Variants in NDE1 observed in about 807,000 individuals in gnomAD.
NDE1 encodes the protein nudE neurodevelopment protein 1.
A neutral mutation model predicts 43.4 loss-of-function variants in NDE1; 28 were observed. The observed-to-expected ratio is 0.65, with a 90% confidence interval of 0.48 to 0.89. The LOEUF (loss-of-function observed/expected upper bound fraction) is 0.89, where lower values mean the gene tolerates loss of function less well. NDE1 is among the 40% of genes least tolerant of loss of function. The pLI, the probability that NDE1 is intolerant of heterozygous loss-of-function variation, is 0.00. For missense variants in NDE1, 441 were observed against 434.1 expected, an observed-to-expected ratio of 1.02 and a Z score of -0.14; for synonymous variants, 184 against 172.0, an observed-to-expected ratio of 1.07 and a Z score of -0.55.
intron 8 of NDE1, chr16:15,718,728 G>A: frequency 3.8e-6 from 2 of 521,512 alleles, no homozygotes; most frequent in South Asian, 4.4e-5. Flanking sequence ...GGGAATGAAT[G>A]AAAGCAGCCA....
At position 15,717,374 on chromosome 16, in the gene NDE1, G is replaced by A. The variant is rs769187310; in HGVS notation, c.948-6817G>A. ...CTGGGGAGGAGAGTGAAGGCCATGA[G>A]GCGGACTCAGGGAAGCCCAAGAGAG... On this transcript the variant is annotated intron_variant, in intron 8 of 8. Transcript: ENST00000396354. 3.7e-6 allele frequency: 6 copies of A among 1,601,400 alleles called. No homozygotes were observed. In the African/African-American group the frequency reaches 4.0e-5, roughly 11 times the overall value.
intron 5 of NDE1, among the ~76,000 whole-genome samples, chr16:15,689,871 C>T (rs1324063728): frequency 1.6e-5 from 1 of 62,100 alleles, no homozygotes; most frequent in Non-Finnish European, 2.7e-5. Flanking sequence ...ACCCGGGAGG[C>T]AGATTTACAG....
chr16:15,720,393 C>T, intron 8 of NDE1: 2 of 1,528,680 alleles, frequency 1.3e-6, no homozygotes, highest in Non-Finnish European at 1.8e-6. Flanking sequence ...CATCACTGCA[C>T]CCCTTCCCCA....
chr16:15,711,786 A>G (rs186005664), intron 8 of NDE1, among the ~76,000 whole-genome samples: 1 of 152,058 alleles, frequency 6.6e-6, no homozygotes, highest in South Asian at 2.1e-4. Flanking sequence ...TGTGTCTCCC[A>G]GGTTCAAGCG....
At chr16:15,667,776 C>T (rs894184709) in intron 3 of NDE1, among the ~76,000 whole-genome samples, 7 of 151,368 alleles carry the variant, frequency 4.6e-5, no homozygotes, top group South Asian at 2.1e-4. Flanking sequence ...GGATTATAGG[C>T]GCCTGCTACC....
intron 3 of NDE1, among the ~76,000 whole-genome samples, chr16:15,673,367 CTATTTTTTG>C (rs2037700635): frequency 6.6e-6 from 1 of 151,896 alleles, no homozygotes; most frequent in South Asian, 2.1e-4. Context: ...CCACACCCAG[CTATTTTTTG>C]TATTTTTGGT....
At chr16:15,719,390 C>A in intron 8 of NDE1, 1 of 1,515,398 alleles carries the variant, frequency 6.6e-7, no homozygotes. Context: ...CTCAGCCACC[C>A]TTGAAAGTAC....
chr16:15,679,089 A>G (rs2038039564), intron 4 of NDE1, among the ~76,000 whole-genome samples: 1 of 152,082 alleles, frequency 6.6e-6, no homozygotes, highest in Non-Finnish European at 1.5e-5. Context: ...AAACAAAACA[A>G]AACAAAAAAC....
intron 8 of NDE1, among the ~76,000 whole-genome samples, chr16:15,710,897 C>T (rs1001717143): frequency 2.6e-5 from 4 of 152,084 alleles, no homozygotes; most frequent in Non-Finnish European, 4.4e-5. Context: ...AGGCTGGTCT[C>T]GAACTCCTGA....
At chr16:15,708,895 C>T (rs762524645) in intron 8 of NDE1, 116 of 1,518,482 alleles carry the variant, frequency 7.6e-5, no homozygotes, top group Middle Eastern at 1.7e-4. Context: ...AGAAGGAGCC[C>T]GGTTAAGTAT....
chr16:15,686,887 C>T, intron 4 of NDE1: 1 of 718,586 alleles, frequency 1.4e-6, no homozygotes, highest in Non-Finnish European at 1.7e-6. Context: ...CAGGATTTTG[C>T]CATTTGCCCA....
Position 15,714,568 on chromosome 16 carries a change from C to T in NDE1, c.948-9623C>T, listed in dbSNP as rs2040008963. ...GAAGTGGCGGGGGGTGGTGTTGCAG[C>T]TTCAATGGATGTCGTGAAGACTCAG... On this transcript the variant is annotated intron_variant, in intron 8 of 8. Coordinates refer to ENST00000396354, the MANE Select transcript of NDE1 (RefSeq NM_017668.3). The T allele has an allele frequency of 1.8e-5, 8 of 441,528 alleles. 1 individual carries two copies. In the South Asian group the frequency reaches 2.0e-4, roughly 11 times the overall value. The allele number at this position is 441,528 out of a possible 1,614,324, so 27.4% of individuals were successfully genotyped here. A position where few individuals can be genotyped will look rare whatever the true frequency, so the allele number is the denominator to read the frequency against.
In NDE1 at chr16:15,715,408, T is replaced by C. The variant is rs2040072128; in HGVS notation, c.948-8783T>C. On this transcript the variant is annotated intron_variant, in intron 8 of 8. Transcript: ENST00000396354. ...CTCCTCTCAAGAATCAGTCAGATGGTGGAATAGTATTCAGCCATGAAAAGG... is the reference window on the plus strand; with the variant it reads ...CTCCTCTCAAGAATCAGTCAGATGGCGGAATAGTATTCAGCCATGAAAAGG... 9 of 773,606 alleles carry C rather than the reference T, an allele frequency of 1.2e-5. No homozygotes were observed. The Admixed American group carries it at 1.4e-4, about 12-fold the overall frequency. 47.9% of individuals were successfully genotyped at this position (773,606 alleles called of 1,614,324 possible). A position where few individuals can be genotyped will look rare whatever the true frequency, so the allele number is the denominator to read the frequency against.
intron 8 of NDE1, chr16:15,718,116 TGGAGA>T: frequency 1.3e-6 from 1 of 791,608 alleles, no homozygotes; most frequent in Non-Finnish European, 2.0e-6. Flanking sequence ...CACTGCAGCG[TGGAGA>T]GGAGTATTCT....
intron 8 of NDE1, among the ~76,000 whole-genome samples, chr16:15,709,224 A>G (rs2039642448): frequency 6.6e-6 from 1 of 152,164 alleles, no homozygotes; most frequent in African/African-American, 2.4e-5. Context: ...TTGGGATTAC[A>G]GGCATGAACC....
At chr16:15,690,147 CG>C (rs2038659794) in intron 5 of NDE1, among the ~76,000 whole-genome samples, 9 of 151,542 alleles carry the variant, frequency 5.9e-5, no homozygotes, top group Non-Finnish European at 1.5e-5. Flanking sequence ...CAGGCTCAAG[CG>C]ATTGTCTTGC....
chr16:15,653,144 A>G (rs1021828281), intron 1 of NDE1, among the ~76,000 whole-genome samples: 3 of 152,150 alleles, frequency 2.0e-5, no homozygotes, highest in Admixed American at 6.6e-5. Flanking sequence ...ATGGGCACCC[A>G]TTTTTAACAT....
intron 7 of NDE1, 33 bp downstream of exon 7, chr16:15,694,289 TC>T (rs774760399): frequency 8.1e-6 from 13 of 1,607,050 alleles, no homozygotes; most frequent in Non-Finnish European, 9.3e-6. Context: ...TTTGGTGCCT[TC>T]CTGCCTGTCT....
At chr16:15,692,900 C>G (rs945878906) in intron 6 of NDE1, among the ~76,000 whole-genome samples, 10 of 151,948 alleles carry the variant, frequency 6.6e-5, no homozygotes, top group African/African-American at 9.7e-5. Flanking sequence ...CCATGCCTGG[C>G]TATGTTTCCA....
Sources: gnomAD v4.1 joint callset for allele counts (sites outside exome capture counted in the v4.1 genomes callset) on GRCh38, gnomAD v4.1.1 for gene constraint, MANE v1.5 for transcripts, NCBI Gene and HGNC (gene_info 2026-07-23, HGNC 2026-07-21) for gene names.